The following AAK1 variants were observed in gnomAD, a reference collection of about 807,000 sequenced individuals.
AAK1 encodes AP2 associated kinase 1.
A neutral mutation model predicts 116.0 loss-of-function variants in AAK1; 37 were observed. The ratio of observed to expected loss-of-function variants is 0.32; its 90% CI spans 0.25 to 0.42. AAK1 has a LOEUF of 0.42. AAK1 is among the 10% of genes least tolerant of loss of function. The pLI is 1.00. For synonymous variants in AAK1, 458 were observed against 439.9 expected (o/e 1.04, Z -0.51); for missense variants, 919 against 1,170.6 (o/e 0.79, Z 3.14).
chr2:69,497,295 CTTTTT>C (rs1176401016), intron 16 of AAK1, among the ~76,000 whole-genome samples: 3 of 76,082 alleles, frequency 3.9e-5, no homozygotes, highest in South Asian at 5.2e-4. Flanking sequence ...CATTATCATT[CTTTTT>C]TTTTTTTTTT....
intron 2 of AAK1, among the ~76,000 whole-genome samples, chr2:69,583,431 T>C (rs933750896): frequency 6.6e-6 from 1 of 152,194 alleles, no homozygotes; most frequent in African/African-American, 2.4e-5. Flanking sequence ...CTCTTTATGC[T>C]CCAATCACTC....
chr2:69,605,333 A>G (rs1315165038), intron 2 of AAK1, among the ~76,000 whole-genome samples: 1 of 152,274 alleles, frequency 6.6e-6, no homozygotes, highest in Non-Finnish European at 1.5e-5. Flanking sequence ...AGCATCTTAC[A>G]TGGTATCCGA....
chr2:69,597,177 C>G (rs576407769), intron 2 of AAK1, among the ~76,000 whole-genome samples: 1 of 151,364 alleles, frequency 6.6e-6, no homozygotes, highest in African/African-American at 2.4e-5. Context: ...GGCAGAATTT[C>G]AAGCCAATCT....
intron 2 of AAK1, among the ~76,000 whole-genome samples, chr2:69,641,514 A>C (rs187354851): frequency 3.3e-5 from 5 of 152,352 alleles, no homozygotes; most frequent in African/African-American, 7.2e-5. Context: ...TGAGATTGGA[A>C]GAGCAATAAT....
chr2:69,466,797 C>T lies in AAK1; in HGVS notation c.*9072G>A. On this transcript the variant is annotated 3_prime_UTR_variant, in exon 22 of 22. Transcript: ENST00000409085. ...CAGGAAAGGAGATGAAGATGTTAGG[C>T]ACACAGACATTCAGCGTAACTATGC... The T allele has an allele frequency of 1.0e-6, 1 of 985,396 alleles. No homozygotes were observed. The highest frequency in any genetic ancestry group is 1.2e-6 in the Non-Finnish European group (1 of 829,934). 61.0% of individuals were successfully genotyped at this position (985,396 alleles called of 1,614,324 possible). A position where few individuals can be genotyped will look rare whatever the true frequency, so the allele number is the denominator to read the frequency against.
At chr2:69,595,071 A>G (rs904621872) in intron 2 of AAK1, 2 of 702,394 alleles carry the variant, frequency 2.8e-6, no homozygotes, top group African/African-American at 1.8e-5. Context: ...TTGCGTGAGC[A>G]CTATCAGCAT....
chr2:69,478,899 G>T (rs1349034353), intron 20 of AAK1, 52 bp downstream of exon 20: 29 of 1,440,216 alleles, frequency 2.0e-5, no homozygotes, highest in Non-Finnish European at 3.9e-6. Context: ...AAGTTGTTTA[G>T]TTCTTTCCCC....
In AAK1 at chr2:69,472,230, C is replaced by G. The variant is rs1193668323; in HGVS notation, c.*3639G>C. 1 of 876,466 alleles carries G rather than the reference C, an allele frequency of 1.1e-6. No homozygotes were observed. Among genetic ancestry groups the G allele is most frequent in the Non-Finnish European group, 1.4e-6 (1 of 730,830 alleles). The allele number at this position is 876,466 out of a possible 1,614,324, so 54.3% of individuals were successfully genotyped here. On this transcript the variant is annotated 3_prime_UTR_variant, in exon 22 of 22. Coordinates refer to ENST00000409085, the MANE Select transcript of AAK1 (RefSeq NM_014911.5). ...CCTTTTTACTGTCTTCAACAGTAAC[C>G]ACTCTTCATCTTACAGGGTTGAATT...
chr2:69,598,335 C>A (rs1283337296), intron 2 of AAK1: 1 of 340,872 alleles, frequency 2.9e-6, no homozygotes, highest in Non-Finnish European at 5.6e-6. Context: ...AGTATCCTTT[C>A]ATGGTGTTCC....
At position 69,496,127 on chromosome 2, in the gene AAK1, A is replaced by G. The variant is rs536241163; in HGVS notation, c.2270-47T>C. 34 of 1,397,398 alleles carry G rather than the reference A, an allele frequency of 2.4e-5. No individual in the cohort carries two copies. In the East Asian group the frequency reaches 8.5e-4, roughly 35 times the overall value. The allele number at this position is 1,397,398 out of a possible 1,614,324, so 86.6% of individuals were successfully genotyped here. A position where few individuals can be genotyped will look rare whatever the true frequency, so the allele number is the denominator to read the frequency against. ...AGGAGGAGTCAGGAGAGAAAAAAAG[A>G]GAAAAGCAATAACACCAAGTAAATC... On this transcript the variant is annotated intron_variant, in intron 16 of 21. Transcript: ENST00000409085.
intron 3 of AAK1, among the ~76,000 whole-genome samples, chr2:69,547,719 T>A (rs1381367399): frequency 6.6e-6 from 1 of 152,210 alleles, no homozygotes; most frequent in Non-Finnish European, 1.5e-5. Context: ...AGTCAAGTTA[T>A]CATATGACCT....
rs1218346411 is a variant in AAK1, at chr2:69,472,689, T to C, written c.*3180A>G. 1 of 985,344 alleles carries C rather than the reference T, an allele frequency of 1.0e-6. No homozygotes were observed. The highest frequency in any genetic ancestry group is 1.2e-6 in the Non-Finnish European group (1 of 829,932). The allele number at this position is 985,344 out of a possible 1,614,324, so 61.0% of individuals were successfully genotyped here. A position where few individuals can be genotyped will look rare whatever the true frequency, so the allele number is the denominator to read the frequency against. ...AATCAATTTGTCATGTTTTCTGCTA[T>C]AGTTACTCCTCTTACATAGCTGGAA... is the stretch of plus-strand genomic sequence containing the variant. On this transcript the variant is annotated 3_prime_UTR_variant, in exon 22 of 22. Transcript: ENST00000409085.
chr2:69,486,476 G>A (rs1184171719), intron 17 of AAK1, among the ~76,000 whole-genome samples: 1 of 152,074 alleles, frequency 6.6e-6, no homozygotes, highest in African/African-American at 2.4e-5. Context: ...CCAGAAATGT[G>A]GGAGGGAGGA....
intron 2 of AAK1, among the ~76,000 whole-genome samples, chr2:69,559,059 T>C (rs1671516670): frequency 6.6e-6 from 1 of 152,150 alleles, no homozygotes; most frequent in Non-Finnish European, 1.5e-5. Context: ...CAGTTCCGAA[T>C]GTGGACTGTG....
intron 2 of AAK1, among the ~76,000 whole-genome samples, chr2:69,564,964 T>C (rs1029921435): frequency 6.6e-6 from 1 of 152,240 alleles, no homozygotes; most frequent in African/African-American, 2.4e-5. Flanking sequence ...CACTTTGTAT[T>C]TGTATGATAC....
At chr2:69,640,080 C>CTCTCTCTCTCTCTCT (rs1491472917) in intron 2 of AAK1, among the ~76,000 whole-genome samples, 3 of 128,588 alleles carry the variant, frequency 2.3e-5, no homozygotes, top group South Asian at 3.1e-4. Context: ...CTCTCTCTCT[C>CTCTCTCTCTCTCTCT]CCCCCCCACA....
chr2:69,551,057 TC>T (rs1241024400), intron 3 of AAK1, among the ~76,000 whole-genome samples: 1 of 152,106 alleles, frequency 6.6e-6, no homozygotes, highest in Non-Finnish European at 1.5e-5. Flanking sequence ...TGTTTTTTTT[TC>T]AGGCAAATTC....
rs770723223 is a variant in AAK1 at position 69,469,834 on chromosome 2, C to T, written c.*6035G>A. ...GTAGGACTGTGTGCCAGGTTAGGCA[C>T]GTTGACACTTTCAATATGGGTAACT... On this transcript the variant is annotated 3_prime_UTR_variant, in exon 22 of 22. Coordinates refer to ENST00000409085, the MANE Select transcript of AAK1 (RefSeq NM_014911.5). The T allele has an allele frequency of 1.2e-5, 12 of 985,288 alleles. No homozygotes were observed. Among genetic ancestry groups the T allele is most frequent in the East Asian group, 1.1e-4 (1 of 8,836 alleles). 61.0% of individuals were successfully genotyped at this position (985,288 alleles called of 1,614,324 possible).
intron 13 of AAK1, among the ~76,000 whole-genome samples, chr2:69,513,822 G>A (rs755071849): frequency 1.3e-5 from 2 of 152,200 alleles, no homozygotes; most frequent in Non-Finnish European, 2.9e-5. Context: ...TGATGTGCCC[G>A]TGTGTGTTGA....
Sources: gnomAD v4.1 joint callset for allele counts (sites outside exome capture counted in the v4.1 genomes callset) on GRCh38, gnomAD v4.1.1 for gene constraint, MANE v1.5 for transcripts, NCBI Gene and HGNC (gene_info 2026-07-23, HGNC 2026-07-21) for gene names.